B3GALT1: variants seen among roughly 807,000 people sequenced by gnomAD.
B3GALT1 encodes beta-1,3-galactosyltransferase 1, also known as UDP-Gal:betaGlcNAc beta 1,3-galactosyltransferase, polypeptide 1.
B3GALT1 carries 10 observed loss-of-function variants against 23.2 expected under a neutral mutation model. That is an observed-to-expected ratio of 0.43 (90% CI 0.27 to 0.73). B3GALT1 has a LOEUF of 0.73. B3GALT1 is among the 30% of genes least tolerant of loss of function. The pLI is 0.21. For synonymous variants in B3GALT1, 156 were observed against 141.5 expected, an observed-to-expected ratio of 1.10 and a Z score of -0.73; for missense variants, 299 against 405.4, an observed-to-expected ratio of 0.74 and a Z score of 2.25.
chr2:167,474,691 C>T (rs1699466773), intron 1 of B3GALT1, among the ~76,000 whole-genome samples: 2 of 152,090 alleles, frequency 1.3e-5, no homozygotes, highest in Admixed American at 6.6e-5. Flanking sequence ...AAAGGTGCAT[C>T]GCAAGGTGAA....
chr2:167,299,755 C>G (rs1284463154), intron 1 of B3GALT1, among the ~76,000 whole-genome samples: 1 of 151,846 alleles, frequency 6.6e-6, no homozygotes, highest in Non-Finnish European at 1.5e-5. Flanking sequence ...TTGAAGGCAG[C>G]TAAAAATAGT....
At chr2:167,461,469 C>G (rs1039984386) in intron 1 of B3GALT1, among the ~76,000 whole-genome samples, 1 of 152,148 alleles carries the variant, frequency 6.6e-6, no homozygotes, top group African/African-American at 2.4e-5. Flanking sequence ...CTAGAACCCT[C>G]TCACCTCTGT....
chr2:167,870,093 G>T lies in B3GALT1; in HGVS notation c.*73G>T, dbSNP rs1690313372. The T allele has an allele frequency of 1.4e-6, 2 of 1,440,544 alleles. No individual in the cohort carries two copies. The highest frequency in any genetic ancestry group is 1.4e-5 in the African/African-American group (1 of 70,150). The allele number at this position is 1,440,544 out of a possible 1,614,324, so 89.2% of individuals were successfully genotyped here. A position where few individuals can be genotyped will look rare whatever the true frequency, so the allele number is the denominator to read the frequency against. ...GACCTAAGGTGTTGGTATTTTCCAGGTGTCGGGGGAAATGAACTGGTGAAG... is the reference window on the plus strand; with the variant it reads ...GACCTAAGGTGTTGGTATTTTCCAGTTGTCGGGGGAAATGAACTGGTGAAG... On this transcript the variant is annotated 3_prime_UTR_variant, in exon 5 of 5. Coordinates refer to ENST00000392690, the MANE Select transcript of B3GALT1 (RefSeq NM_020981.4).
intron 3 of B3GALT1, among the ~76,000 whole-genome samples, chr2:167,735,300 T>TG (rs560398745): frequency 1.2e-4 from 19 of 152,354 alleles, no homozygotes; most frequent in Middle Eastern, 6.8e-3. Context: ...CAATAAATTC[T>TG]GGGGGCCATT....
chr2:167,700,195 G>A (rs1361902792), intron 3 of B3GALT1, among the ~76,000 whole-genome samples: 1 of 152,162 alleles, frequency 6.6e-6, no homozygotes, highest in East Asian at 1.9e-4. Flanking sequence ...AGTGAGCTAT[G>A]ATTGATTCAC....
At chr2:167,464,451 A>G (rs1699314601) in intron 1 of B3GALT1, among the ~76,000 whole-genome samples, 1 of 152,212 alleles carries the variant, frequency 6.6e-6, no homozygotes, top group African/African-American at 2.4e-5. Flanking sequence ...GTTTCATGAC[A>G]TTCCAATTAA....
At chr2:167,393,069 C>T (rs1698040960) in intron 1 of B3GALT1, among the ~76,000 whole-genome samples, 1 of 151,916 alleles carries the variant, frequency 6.6e-6, no homozygotes, top group South Asian at 2.1e-4. Context: ...CCCGTCTCTA[C>T]TAAAAATACA....
At chr2:167,744,450 GT>G in intron 3 of B3GALT1, among the ~76,000 whole-genome samples, 1 of 152,182 alleles carries the variant, frequency 6.6e-6, no homozygotes, top group East Asian at 1.9e-4. Flanking sequence ...TTATTAGTTT[GT>G]AGTGTCCATT....
At chr2:167,664,795 T>G (rs1686142439) in intron 3 of B3GALT1, among the ~76,000 whole-genome samples, 1 of 151,542 alleles carries the variant, frequency 6.6e-6, no homozygotes. Context: ...ATGCTTGTGA[T>G]TTTTGTACAT....
intron 4 of B3GALT1, among the ~76,000 whole-genome samples, chr2:167,837,126 G>GC (rs1380839042): frequency 6.6e-6 from 1 of 152,112 alleles, no homozygotes. Flanking sequence ...CAACTAAGGA[G>GC]CAAAATAACC....
chr2:167,462,668 C>T (rs1385129577), intron 1 of B3GALT1, among the ~76,000 whole-genome samples: 1 of 152,114 alleles, frequency 6.6e-6, no homozygotes, highest in Non-Finnish European at 1.5e-5. Flanking sequence ...GCATCATTAG[C>T]TTCAGTGAGG....
chr2:167,609,104 C>A (rs1449498603), intron 2 of B3GALT1, among the ~76,000 whole-genome samples: 1 of 152,120 alleles, frequency 6.6e-6, no homozygotes, highest in East Asian at 1.9e-4. Context: ...ATATTTATAA[C>A]CTCTTGGCTA....
chr2:167,516,960 ATATATATATATG>A (rs1700108312), intron 2 of B3GALT1, among the ~76,000 whole-genome samples: 1 of 95,420 alleles, frequency 1.0e-5, no homozygotes, highest in South Asian at 4.4e-4. Flanking sequence ...GTATATATAT[ATATATATATATG>A]ACACTTAAGC....
At chr2:167,841,812 A>G (rs1689657643) in intron 4 of B3GALT1, among the ~76,000 whole-genome samples, 1 of 152,244 alleles carries the variant, frequency 6.6e-6, no homozygotes, top group African/African-American at 2.4e-5. Context: ...TTGCCAAATG[A>G]ATATTTCAGG....
chr2:167,840,501 G>GCAAT (rs1689620106), intron 4 of B3GALT1, among the ~76,000 whole-genome samples: 2 of 149,568 alleles, frequency 1.3e-5, no homozygotes, highest in South Asian at 4.3e-4. Flanking sequence ...AGTTAGAATG[G>GCAAT]CAATCATTAA....
intron 1 of B3GALT1, among the ~76,000 whole-genome samples, chr2:167,307,286 A>T (rs1044692654): frequency 6.6e-6 from 1 of 152,028 alleles, no homozygotes; most frequent in Non-Finnish European, 1.5e-5. Context: ...TGGTAACATT[A>T]TCTCTCTTTA....
chr2:167,403,602 A>G (rs1698229440), intron 1 of B3GALT1, among the ~76,000 whole-genome samples: 1 of 152,152 alleles, frequency 6.6e-6, no homozygotes, highest in African/African-American at 2.4e-5. Flanking sequence ...GATTTGCATA[A>G]TCTGATGATG....
At chr2:167,830,479 A>G (rs2105378400) in intron 4 of B3GALT1, among the ~76,000 whole-genome samples, 1 of 152,282 alleles carries the variant, frequency 6.6e-6, no homozygotes, top group Non-Finnish European at 1.5e-5. Context: ...TTTGTACATT[A>G]ATTTACTTCA....
At chr2:167,782,746 T>C (rs1029353410) in intron 3 of B3GALT1, among the ~76,000 whole-genome samples, 3 of 152,224 alleles carry the variant, frequency 2.0e-5, no homozygotes, top group Non-Finnish European at 2.9e-5. Context: ...GCAAGCATTT[T>C]TCTAAACATG....
Sources: gnomAD v4.1 joint callset for allele counts (sites outside exome capture counted in the v4.1 genomes callset) on GRCh38, gnomAD v4.1.1 for gene constraint, MANE v1.5 for transcripts, NCBI Gene and HGNC (gene_info 2026-07-23, HGNC 2026-07-21) for gene names.